CPSF6: variants seen among roughly 807,000 people sequenced by gnomAD.
CPSF6 encodes the protein cleavage and polyadenylation specificity factor subunit 6.
Under a neutral mutation model 56.7 loss-of-function variants are expected in CPSF6, and 10 were observed. That is an observed-to-expected ratio of 0.18 (90% CI 0.11 to 0.30). The LOEUF (loss-of-function observed/expected upper bound fraction) is 0.30. Ranked by LOEUF, CPSF6 falls within the 10% of genes least tolerant of loss-of-function variation. CPSF6 has a pLI of 1.00. For synonymous variants in CPSF6, 248 were observed against 244.8 expected (o/e 1.01, Z -0.12); for missense variants, 419 against 722.9 (o/e 0.58, Z 4.82).
intron 9 of CPSF6, among the ~76,000 whole-genome samples, chr12:69,268,590 C>G (rs1448067696): frequency 1.3e-5 from 2 of 151,706 alleles, no homozygotes; most frequent in Non-Finnish European, 3.0e-5. Context: ...ACCTTCTGCC[C>G]TCTTGACTCT....
chr12:69,272,344 A>AT lies in CPSF6; in HGVS notation c.*2842dup, dbSNP rs1873285512. 2 of 151,474 alleles carry AT rather than the reference A, an allele frequency of 1.3e-5. No individual in the cohort carries two copies. Among genetic ancestry groups the AT allele is most frequent in the Admixed American group, 6.6e-5 (1 of 15,196 alleles). 9.4% of individuals were successfully genotyped at this position (151,474 alleles called of 1,614,324 possible). On this transcript the variant is annotated 3_prime_UTR_variant, in exon 10 of 10. Transcript: ENST00000435070. ...ATTCTCCTGTGGAGAATATTGCTTT[A>AT]TTTTTTACTAGTTTCAGGTCAGTTA...
chr12:69,244,695 CT>C (rs78489825), intron 1 of CPSF6, among the ~76,000 whole-genome samples: 82,843 of 149,208 alleles, frequency 0.56, 23,027 homozygotes, highest in East Asian at 0.73. Context: ...TGAACCTGGT[CT>C]TTTTTTTTTT....
intron 2 of CPSF6, among the ~76,000 whole-genome samples, 185 bp from the exon 3 acceptor site, chr12:69,252,866 T>A (rs1485369689): frequency 3.9e-5 from 6 of 152,186 alleles, no homozygotes; most frequent in Admixed American, 3.9e-4. Context: ...GGGAATGAAG[T>A]TAGGTTCCCA....
chr12:69,254,734 A>G (rs930575938), intron 3 of CPSF6, among the ~76,000 whole-genome samples: 6 of 152,216 alleles, frequency 3.9e-5, no homozygotes, highest in African/African-American at 1.4e-4. Flanking sequence ...CTTGTTGACT[A>G]AAATAAGAAG....
intron 1 of CPSF6, among the ~76,000 whole-genome samples, chr12:69,250,543 CAG>C (rs1254557913): frequency 7.4e-6 from 1 of 134,250 alleles, no homozygotes; most frequent in Non-Finnish European, 1.5e-5. Context: ...TGCTTGAACT[CAG>C]GAGTTCGAAA....
At chr12:69,259,985 T>A in intron 7 of CPSF6, 59 bp from the exon 8 acceptor site, 13 of 1,587,246 alleles carry the variant, frequency 8.2e-6, no homozygotes, top group Non-Finnish European at 1.1e-5. Flanking sequence ...CCCAAGTGGT[T>A]TGATGGTGTT....
rs1173490806 is a variant in CPSF6, at chr12:69,249,159, G to A, written c.61-1970G>A. ...CCTGTAGTCCCAGCTACTCGGGGGG[G>A]GGGGGGGGGGCTGAGGCAGGAGAAT... On this transcript the variant is annotated intron_variant, in intron 1 of 9. Transcript: ENST00000435070. 2.9e-5 allele frequency among the ~76,000 whole-genome samples: 2 copies of A among 69,428 alleles called. 1 individual carries two copies. Among genetic ancestry groups the A allele is most frequent in the Non-Finnish European group, 5.9e-5 (2 of 33,684 alleles). The allele number at this position is 69,428 out of a possible 152,430, so 45.5% of individuals were successfully genotyped here.
rs1438107303 is a variant in CPSF6 at position 69,270,053 on chromosome 12, C to T, written c.*545C>T. The T allele has an allele frequency of 6.6e-6, 1 of 152,200 alleles. No individual in the cohort carries two copies. Among genetic ancestry groups the T allele is most frequent in the Non-Finnish European group, 1.5e-5 (1 of 67,708 alleles). The allele number at this position is 152,200 out of a possible 1,614,324, so 9.4% of individuals were successfully genotyped here. On this transcript the variant is annotated 3_prime_UTR_variant, in exon 10 of 10. Transcript: ENST00000435070. Reference sequence around the variant, plus strand: ...ACAACATTTTTACTGTCCTTTAAAGCATTGCAATAGCGTTTTTGGATATGC... The same window carrying T: ...ACAACATTTTTACTGTCCTTTAAAGTATTGCAATAGCGTTTTTGGATATGC...
Position 69,273,716 on chromosome 12 carries a change from TGTA to T in CPSF6, c.*4212_*4214del, listed in dbSNP as rs1234006254. 9 of 151,948 alleles carry T rather than the reference TGTA, an allele frequency of 5.9e-5. No homozygotes were observed. Among genetic ancestry groups the T allele is most frequent in the Admixed American group, 3.3e-4 (5 of 15,236 alleles). 9.4% of individuals were successfully genotyped at this position (151,948 alleles called of 1,614,324 possible). Reference sequence around the variant, plus strand: ...ATGTTTATTTTTTTACTTTGAAAATTGTAGTACTCAGGTGGTATTTAATGGGAA... The same window carrying T: ...ATGTTTATTTTTTTACTTTGAAAATTGTACTCAGGTGGTATTTAATGGGAA... On this transcript the variant is annotated 3_prime_UTR_variant, in exon 10 of 10. Transcript: ENST00000435070.
chr12:69,251,674 C>T (rs1310918648), intron 2 of CPSF6, among the ~76,000 whole-genome samples: 3 of 152,086 alleles, frequency 2.0e-5, no homozygotes, highest in African/African-American at 4.8e-5. Context: ...CATGGGGTCT[C>T]AAACCAGGAT....
intron 1 of CPSF6, among the ~76,000 whole-genome samples, chr12:69,250,045 A>G (rs1321044233): frequency 2.0e-5 from 3 of 152,212 alleles, no homozygotes; most frequent in East Asian, 1.9e-4. Context: ...AACTTGCAAG[A>G]TAATTAATTT....
At chr12:69,251,029 TCCATCAGA>T in intron 1 of CPSF6, 92 bp from the exon 2 acceptor site, 1 of 1,178,112 alleles carries the variant, frequency 8.5e-7, no homozygotes, top group Admixed American at 2.5e-5. Flanking sequence ...TTGGCCTTTT[TCCATCAGA>T]TTTTTAAAAC....
At chr12:69,248,488 T>C (rs1290745679) in intron 1 of CPSF6, among the ~76,000 whole-genome samples, 3 of 152,218 alleles carry the variant, frequency 2.0e-5, no homozygotes, top group Non-Finnish European at 2.9e-5. Flanking sequence ...TTTAGTATCT[T>C]AAGTGCATGG....
intron 1 of CPSF6, among the ~76,000 whole-genome samples, chr12:69,248,535 C>A (rs10878946): frequency 1.3e-5 from 2 of 152,076 alleles, no homozygotes. Flanking sequence ...AAGCTTCAGC[C>A]ACACTGAAAC....
chr12:69,261,447 C>T (rs1872736688), intron 8 of CPSF6, among the ~76,000 whole-genome samples: 1 of 150,180 alleles, frequency 6.7e-6, no homozygotes, highest in Non-Finnish European at 1.5e-5. Context: ...TGCCTATAGT[C>T]CCAGCTACTT....
chr12:69,241,791 A>G (rs1238149583), intron 1 of CPSF6, among the ~76,000 whole-genome samples: 1 of 152,200 alleles, frequency 6.6e-6, no homozygotes, highest in Admixed American at 6.5e-5. Context: ...AAATCTTTAT[A>G]TGTTTGAATA....
chr12:69,267,615 A>G (rs1873053249), intron 9 of CPSF6, among the ~76,000 whole-genome samples: 1 of 151,898 alleles, frequency 6.6e-6, no homozygotes, highest in Non-Finnish European at 1.5e-5. Context: ...ATAATATGGA[A>G]TTGGATTATT....
rs1470458438 is a variant in CPSF6 at position 69,273,833 on chromosome 12, C to T, written c.*4325C>T. ...AGCCTTAAAAAAAAGGTCTATTATT[C>T]CTTCCTCTGCATCCCATGGTATATT... is the stretch of plus-strand genomic sequence containing the variant. On this transcript the variant is annotated 3_prime_UTR_variant, in exon 10 of 10. Coordinates refer to ENST00000435070, the MANE Select transcript of CPSF6 (RefSeq NM_007007.3). 1 of 151,806 alleles carries T rather than the reference C, an allele frequency of 6.6e-6. No individual in the cohort carries two copies. Among genetic ancestry groups the T allele is most frequent in the Non-Finnish European group, 1.5e-5 (1 of 67,830 alleles). 9.4% of individuals were successfully genotyped at this position (151,806 alleles called of 1,614,324 possible).
In CPSF6 at chr12:69,273,233, C is replaced by T. The variant is rs892110040; in HGVS notation, c.*3725C>T. On this transcript the variant is annotated 3_prime_UTR_variant, in exon 10 of 10. Transcript: ENST00000435070. Reference sequence around the variant, plus strand: ...TTTGTGAATATTCTAAATATTCAGGCAACACTGTTCAGATTGATTTAGGTT... The same window carrying T: ...TTTGTGAATATTCTAAATATTCAGGTAACACTGTTCAGATTGATTTAGGTT... 4.1e-6 allele frequency: 2 copies of T among 483,106 alleles called. No homozygotes were observed. The highest frequency in any genetic ancestry group is 8.3e-6 in the Non-Finnish European group (2 of 240,104). The allele number at this position is 483,106 out of a possible 1,614,324, so 29.9% of individuals were successfully genotyped here.
Sources: allele counts gnomAD v4.1 joint callset (sites outside exome capture counted in the v4.1 genomes callset), GRCh38; gene constraint gnomAD v4.1.1; transcripts MANE v1.5; gene names NCBI Gene and HGNC (gene_info 2026-07-23, HGNC 2026-07-21).